COL11A1: variants seen among roughly 807,000 people sequenced by gnomAD.
COL11A1 encodes collagen alpha-1(XI) chain.
COL11A1 carries 74 observed loss-of-function variants against 265.2 expected under a neutral mutation model. That is an observed-to-expected ratio of 0.28 (90% CI 0.23 to 0.34). COL11A1 has a LOEUF of 0.34. Among genes scored for constraint, COL11A1 ranks in the 10% least tolerant of loss-of-function variants. The pLI is 1.00. For synonymous variants in COL11A1, 816 were observed against 727.6 expected (o/e 1.12, Z -1.96); for missense variants, 2,165 against 2,263.6 (o/e 0.96, Z 0.88).
intron 46 of COL11A1, among the ~76,000 whole-genome samples, chr1:102,926,065 A>T (rs1676487): frequency 6.6e-6 from 1 of 151,906 alleles, no homozygotes; most frequent in African/African-American, 2.4e-5. Context: ...AAAATATCCC[A>T]ATAGAAAAAA....
Position 103,029,932 on chromosome 1 carries a change from G to T in COL11A1, c.780+1184C>A, listed in dbSNP as rs1443925944. The stretch of plus-strand genomic sequence containing the variant: ...TCAGAGCCATATCTGTTGCTAAAAA[G>T]AATAATATGCCTTATCTTTCTTTAT... On this transcript the variant is annotated intron_variant, in intron 5 of 66. Coordinates refer to ENST00000370096, the MANE Select transcript of COL11A1 (RefSeq NM_001854.4). 2.0e-5 allele frequency among the ~76,000 whole-genome samples: 3 copies of T among 151,886 alleles called. No homozygotes were observed. In the East Asian group the frequency reaches 5.8e-4, roughly 29 times the overall value.
At chr1:102,898,369 T>A (rs980826779) in intron 56 of COL11A1, among the ~76,000 whole-genome samples, 191 bp from the exon 57 acceptor site, 3 of 151,768 alleles carry the variant, frequency 2.0e-5, no homozygotes, top group African/African-American at 7.2e-5. Flanking sequence ...TATATTCAAA[T>A]ACACACCTAT....
rs558548172 is a variant in COL11A1, at chr1:102,887,038, T to G, written c.4627A>C (p.Ile1543Leu). The G allele has an allele frequency of 5.5e-5, 89 of 1,613,792 alleles. No homozygotes were observed. Among genetic ancestry groups the G allele is most frequent in the Non-Finnish European group, 7.4e-5 (87 of 1,179,834 alleles). Reference protein sequence around the residue: ...PGSPGPPGEVIQPLPILSSKK... With the variant: ...PGSPGPPGEVLQPLPILSSKK... ...GAGGACAAGATTGGTAAAGGCTGAA[T>G]GACTTCACCAGGTGGACCCTGTAAA... Residue 1543 changes from isoleucine (I) to leucine (L), a missense_variant, in exon 63 of 67, where the codon ATT (isoleucine) becomes CTT (leucine). Ile to Leu is a conservative substitution (Grantham distance 5). Coordinates refer to ENST00000370096, the MANE Select transcript of COL11A1 (RefSeq NM_001854.4).
intron 9 of COL11A1, among the ~76,000 whole-genome samples, chr1:103,021,383 C>A (rs1182510896): frequency 6.6e-6 from 1 of 152,050 alleles, no homozygotes; most frequent in African/African-American, 2.4e-5. Context: ...CCTATTATAT[C>A]TCATTGATCA....
chr1:102,956,024 C>T (rs1660341331), intron 41 of COL11A1, among the ~76,000 whole-genome samples: 1 of 152,110 alleles, frequency 6.6e-6, no homozygotes, highest in South Asian at 2.1e-4. Context: ...CGTCACAGCA[C>T]CCTATTGGTA....
chr1:102,972,232 A>G (rs773215537), intron 36 of COL11A1, among the ~76,000 whole-genome samples: 4 of 152,194 alleles, frequency 2.6e-5, no homozygotes, highest in African/African-American at 9.6e-5. Context: ...TTTTTCCACC[A>G]TACTAAAGTG....
At chr1:103,059,913 G>A (rs1440053957) in intron 4 of COL11A1, among the ~76,000 whole-genome samples, 3 of 151,814 alleles carry the variant, frequency 2.0e-5, no homozygotes, top group African/African-American at 7.3e-5. Flanking sequence ...CACACAATAG[G>A]AATACAAGGA....
At chr1:102,980,105 A>G (rs78940657) in intron 31 of COL11A1, among the ~76,000 whole-genome samples, 4,600 of 152,202 alleles carry the variant, frequency 0.03, 263 homozygotes, top group African/African-American at 0.11. Context: ...TAAGTTTGGT[A>G]CATTACTTAT....
intron 1 of COL11A1, among the ~76,000 whole-genome samples, chr1:103,096,548 T>C (rs1673781750): frequency 6.6e-6 from 1 of 151,928 alleles, no homozygotes; most frequent in South Asian, 2.1e-4. Flanking sequence ...AATCATTGAG[T>C]AGGCAGTCAA....
intron 41 of COL11A1, 117 bp from the exon 42 acceptor site, chr1:102,947,073 G>A (rs1659370700): frequency 1.1e-6 from 1 of 902,436 alleles, no homozygotes; most frequent in Non-Finnish European, 1.7e-6. Flanking sequence ...AACATTTAGA[G>A]TTTAGATAAT....
chr1:102,887,092 A>C (rs1359714560), intron 62 of COL11A1, 36 bp from the exon 63 acceptor site: 1 of 1,612,400 alleles, frequency 6.2e-7, no homozygotes, highest in Admixed American at 1.7e-5. Flanking sequence ...ATTGTTTCAT[A>C]AAGTGGAATA....
chr1:102,979,223 A>G, intron 32 of COL11A1, 119 bp from the exon 33 acceptor site: 3 of 1,272,462 alleles, frequency 2.4e-6, no homozygotes, highest in Non-Finnish European at 3.4e-6. Context: ...GTATTCATTT[A>G]GAGACAGACT....
At chr1:102,947,067 T>C (rs960076736) in intron 41 of COL11A1, 111 bp from the exon 42 acceptor site, 1 of 913,576 alleles carries the variant, frequency 1.1e-6, no homozygotes, top group African/African-American at 1.7e-5. Flanking sequence ...TAAAGAAACA[T>C]TTAGAGTTTA....
intron 42 of COL11A1, among the ~76,000 whole-genome samples, chr1:102,941,595 G>A (rs1371786334): frequency 6.6e-6 from 1 of 152,052 alleles, no homozygotes; most frequent in Non-Finnish European, 1.5e-5. Flanking sequence ...CCATTCCTGT[G>A]ACATTGCCTG....
chr1:102,999,985 T>C (rs115201378), intron 24 of COL11A1, among the ~76,000 whole-genome samples: 483 of 152,026 alleles, frequency 3.2e-3, no homozygotes, highest in Admixed American at 6.0e-3. Context: ...AGGCTGGATA[T>C]ATTCAGATCA....
At chr1:103,093,034 A>T (rs1023971577) in intron 1 of COL11A1, among the ~76,000 whole-genome samples, 1 of 152,102 alleles carries the variant, frequency 6.6e-6, no homozygotes, top group African/African-American at 2.4e-5. Context: ...TGAATCCATC[A>T]CTGCATCTAT....
intron 26 of COL11A1, 88 bp from the exon 27 acceptor site, chr1:102,996,130 G>C: frequency 7.4e-7 from 1 of 1,354,840 alleles, no homozygotes; most frequent in East Asian, 2.3e-5. Flanking sequence ...TAATCTACAA[G>C]GATATGGTTT....
intron 23 of COL11A1, 41 bp downstream of exon 23, chr1:103,002,387 C>A: frequency 6.6e-7 from 1 of 1,504,602 alleles, no homozygotes. Context: ...ATAGCATCTT[C>A]CCCCCATTAT....
chr1:103,039,749 T>G (rs190023102), intron 4 of COL11A1, among the ~76,000 whole-genome samples: 3,019 of 152,154 alleles, frequency 0.02, 45 homozygotes, highest in Non-Finnish European at 0.032. Flanking sequence ...CTAGGGTTTT[T>G]TTTTTATTCG....
Sources: gnomAD v4.1 joint callset for allele counts (sites outside exome capture counted in the v4.1 genomes callset) on GRCh38, gnomAD v4.1.1 for gene constraint, MANE v1.5 for transcripts, NCBI Gene and HGNC (gene_info 2026-07-23, HGNC 2026-07-21) for gene names.